Variants in AFF4 observed in about 807,000 individuals in gnomAD.
AFF4 encodes the protein ALF transcription elongation factor 4.
AFF4 carries 13 observed loss-of-function variants against 124.8 expected under a neutral mutation model. That is an observed-to-expected ratio of 0.10 (90% CI 0.07 to 0.17). The LOEUF (loss-of-function observed/expected upper bound fraction) is 0.17. Among genes scored for constraint, AFF4 ranks in the 10% least tolerant of loss-of-function variants. The probability of loss-of-function intolerance (pLI) is 1.00; values close to 1 mark genes in which losing one functional copy is unlikely to be tolerated. For missense variants in AFF4, 1,092 were observed against 1,403.8 expected, an observed-to-expected ratio of 0.78 and a Z score of 3.55; for synonymous variants, 477 against 496.1, an observed-to-expected ratio of 0.96 and a Z score of 0.51.
chr5:132,936,794 A>C (rs41298948), intron 2 of AFF4, among the ~76,000 whole-genome samples: 10,792 of 152,288 alleles, frequency 0.071, 532 homozygotes, highest in Non-Finnish European at 0.1. Flanking sequence ...GGTGCTGGTA[A>C]TGCTCTATTT....
At chr5:132,882,672 T>C (rs1047996004) in intron 20 of AFF4, among the ~76,000 whole-genome samples, 2 of 151,980 alleles carry the variant, frequency 1.3e-5, no homozygotes, top group Non-Finnish European at 2.9e-5. Flanking sequence ...CTGGTTCACA[T>C]GGTGAAACCC....
intron 5 of AFF4, among the ~76,000 whole-genome samples, chr5:132,924,126 T>C (rs1305223594): frequency 1.3e-5 from 2 of 151,968 alleles, no homozygotes; most frequent in African/African-American, 4.8e-5. Context: ...TGGTGGTGCA[T>C]GCCTGTAATC....
chr5:132,927,630 C>G (rs1761203544), intron 4 of AFF4: 1 of 162,022 alleles, frequency 6.2e-6, no homozygotes, highest in East Asian at 1.9e-4. Context: ...ATTTAGTACT[C>G]ACAATGACAT....
chr5:132,952,620 G>A (rs184608598), intron 1 of AFF4, among the ~76,000 whole-genome samples: 3 of 152,234 alleles, frequency 2.0e-5, no homozygotes, highest in Admixed American at 2.0e-4. Context: ...GTGGCCAGGC[G>A]CGGTGGCTCA....
At chr5:132,942,969 G>T in intron 1 of AFF4, 1 of 215,506 alleles carries the variant, frequency 4.6e-6, no homozygotes, top group South Asian at 8.2e-5. Context: ...AAGTACACCT[G>T]GGTCTTGGAT....
In AFF4 at chr5:132,876,251, C is replaced by A. The variant is rs1759837765; in HGVS notation, c.*4808G>T. On this transcript the variant is annotated 3_prime_UTR_variant, in exon 21 of 21. Coordinates refer to ENST00000265343, the MANE Select transcript of AFF4 (RefSeq NM_014423.4). ...TTGAATGCTCATGTTAATGATTTGC[C>A]AGGTGTGTGCATAAAGTTGTAAAAT... 1 of 225,654 alleles carries A rather than the reference C, an allele frequency of 4.4e-6. No homozygotes were observed. 14.0% of individuals were successfully genotyped at this position (225,654 alleles called of 1,614,324 possible).
In AFF4 at chr5:132,936,802, T is replaced by C. The variant is rs1485645362; in HGVS notation, c.123+265A>G. Reference sequence around the variant, plus strand: ...CTTTTAGGGTGCTGGTAATGCTCTATTTCTTGATCTGAGTTGTATGAAGCT... The same window carrying C: ...CTTTTAGGGTGCTGGTAATGCTCTACTTCTTGATCTGAGTTGTATGAAGCT... On this transcript the variant is annotated intron_variant, in intron 2 of 20. Transcript: ENST00000265343. Among the ~76,000 whole-genome samples, 4 of 152,212 alleles carry C rather than the reference T, an allele frequency of 2.6e-5. No homozygotes were observed. The East Asian group carries it at 7.7e-4, about 29-fold the overall frequency.
At position 132,896,573 on chromosome 5, in the gene AFF4, C is replaced by T; in HGVS notation, c.2057G>A (p.Ser686Asn). 2 of 1,614,068 alleles carry T rather than the reference C, an allele frequency of 1.2e-6. No individual in the cohort carries two copies. The highest frequency in any genetic ancestry group is 8.5e-7 in the Non-Finnish European group (1 of 1,180,014). ...AGAGAACATTCGTTGCCGAAAAAAG[C>T]TATCTTCTTCCTCCACTGAGGAGGG... Reference protein sequence around the residue: ...VKPSSVEEEDSFFRQRMFSPM... With the variant: ...VKPSSVEEEDNFFRQRMFSPM... Residue 686 changes from serine to asparagine, a missense_variant, in exon 11 of 21, where the codon AGC becomes AAC. Physicochemically the swap from Ser to Asn is conservative, Grantham distance 46. Transcript: ENST00000265343.
At chr5:132,949,700 ACGCG>A (rs34997571) in intron 1 of AFF4, among the ~76,000 whole-genome samples, 54 of 146,698 alleles carry the variant, frequency 3.7e-4, no homozygotes, top group Admixed American at 5.4e-4. Context: ...ACACACACAC[ACGCG>A]CGCGCGCGCG....
At chr5:132,930,879 G>A (rs1287255577) in intron 4 of AFF4, among the ~76,000 whole-genome samples, 5 of 148,930 alleles carry the variant, frequency 3.4e-5, no homozygotes, top group Non-Finnish European at 5.9e-5. Context: ...GGCCAAGGCA[G>A]GCAGACAGGA....
intron 4 of AFF4, among the ~76,000 whole-genome samples, chr5:132,929,994 C>T (rs1394292102): frequency 6.6e-6 from 1 of 152,090 alleles, no homozygotes; most frequent in African/African-American, 2.4e-5. Context: ...TCTAGTTTTG[C>T]AACTACATAG....
At chr5:132,884,960 T>C (rs903999225) in intron 19 of AFF4, 116 bp downstream of exon 19, 11 of 625,628 alleles carry the variant, frequency 1.8e-5, no homozygotes, top group Non-Finnish European at 3.0e-5. Context: ...AAATATTTTA[T>C]CAGAGATGGT....
At chr5:132,959,937 T>C (rs1485364739) in intron 1 of AFF4, among the ~76,000 whole-genome samples, 2 of 151,884 alleles carry the variant, frequency 1.3e-5, no homozygotes, top group Non-Finnish European at 2.9e-5. Flanking sequence ...GCTAATTTTT[T>C]GTATTCTTTT....
chr5:132,906,048 G>A (rs1760664185), intron 5 of AFF4, among the ~76,000 whole-genome samples: 1 of 152,134 alleles, frequency 6.6e-6, no homozygotes. Context: ...CTGTCATCAC[G>A]GAAATACAAA....
chr5:132,956,724 T>C lies in AFF4; in HGVS notation c.-5+6535A>G, dbSNP rs559092303. ...AAAAAATGATTTTTCTCCCACCATT[T>C]AAAAATGTAAACATGGGCCAGGCAA... On this transcript the variant is annotated intron_variant, in intron 1 of 20. Transcript: ENST00000265343. Among the ~76,000 whole-genome samples, 7 of 151,408 alleles carry C rather than the reference T, an allele frequency of 4.6e-5. No individual in the cohort carries two copies. The South Asian group carries it at 1.0e-3, about 23-fold the overall frequency.
chr5:132,939,253 A>G (rs1360800566), intron 1 of AFF4, among the ~76,000 whole-genome samples: 7 of 151,732 alleles, frequency 4.6e-5, no homozygotes, highest in South Asian at 2.1e-4. Flanking sequence ...AGTGTTTCAG[A>G]TATGTTTTCA....
Position 132,884,682 on chromosome 5 carries a change from G to C in AFF4, c.3143+394C>G, listed in dbSNP as rs544426016. ...CCATGGTGTTTTTTATCCTTTGGGA[G>C]ATAGGTGGGATGAAAGTGACGTGGA... On this transcript the variant is annotated intron_variant, in intron 19 of 20. Coordinates refer to ENST00000265343, the MANE Select transcript of AFF4 (RefSeq NM_014423.4). 5.0e-4 allele frequency among the ~76,000 whole-genome samples: 76 copies of C among 152,312 alleles called. No individual in the cohort carries two copies. The Middle Eastern group carries it at 0.017, about 34-fold the overall frequency.
intron 5 of AFF4, among the ~76,000 whole-genome samples, chr5:132,911,475 G>A (rs543564653): frequency 5.9e-5 from 9 of 151,496 alleles, no homozygotes; most frequent in African/African-American, 1.9e-4. Flanking sequence ...ATTAGACATC[G>A]CAGAACAACA....
rs553374175 is a variant in AFF4, at chr5:132,892,156, C to T, written c.2637+8G>A. On this transcript the variant is annotated splice_region_variant and intron_variant, in intron 13 of 20. Transcript: ENST00000265343. ...ATTTTCAAAAGCCCCAGGCCCCCAACACTTTACCTTAACCTCCTTGGAGCT... is the reference window on the plus strand; with the variant it reads ...ATTTTCAAAAGCCCCAGGCCCCCAATACTTTACCTTAACCTCCTTGGAGCT... The T allele has an allele frequency of 1.9e-6, 3 of 1,614,178 alleles. No homozygotes were observed. The African/African-American group carries it at 4.0e-5, about 22-fold the overall frequency.
Sources: gnomAD v4.1 joint callset for allele counts (sites outside exome capture counted in the v4.1 genomes callset) on GRCh38, gnomAD v4.1.1 for gene constraint, MANE v1.5 for transcripts, NCBI Gene and HGNC (gene_info 2026-07-23, HGNC 2026-07-21) for gene names.